The following THRAP3 variants were observed in gnomAD, a reference collection of about 807,000 sequenced individuals.
THRAP3 encodes the protein thyroid hormone receptor associated protein 3, also known as thyroid hormone receptor-associated protein 3.
In THRAP3, 16 loss-of-function variants were observed where a neutral mutation model predicts 101.0. That is an observed-to-expected ratio of 0.16 (90% CI 0.11 to 0.24). THRAP3 has a LOEUF of 0.24. Among genes scored for constraint, THRAP3 ranks in the 10% least tolerant of loss-of-function variants. The pLI is 1.00. For synonymous variants in THRAP3, 407 were observed against 422.6 expected, an observed-to-expected ratio of 0.96 and a Z score of 0.45; for missense variants, 989 against 1,202.7, an observed-to-expected ratio of 0.82 and a Z score of 2.63.
intron 2 of THRAP3, among the ~76,000 whole-genome samples, chr1:36,260,736 G>A (rs901898977): frequency 6.6e-6 from 1 of 151,660 alleles, no homozygotes; most frequent in Admixed American, 6.6e-5. Flanking sequence ...GCAGGAGAAT[G>A]GTGTGAACCC....
intron 2 of THRAP3, among the ~76,000 whole-genome samples, chr1:36,273,129 G>C (rs961980676): frequency 1.3e-5 from 2 of 152,186 alleles, no homozygotes; most frequent in Non-Finnish European, 2.9e-5. Context: ...TCATTTTGTA[G>C]CCTCCTGGGT....
rs539382771 is a variant in THRAP3, at chr1:36,274,723, C to T, written c.-31-7810C>T. On this transcript the variant is annotated intron_variant, in intron 2 of 11. Transcript: ENST00000354618. ...TCTTGTCTCACTGCAACCTCTACCT[C>T]CCGGGTTCAAGTGGTTCTCCTACTT... 3.7e-4 allele frequency among the ~76,000 whole-genome samples: 55 copies of T among 150,048 alleles called. No homozygotes were observed. The South Asian group carries it at 0.011, about 31-fold the overall frequency.
chr1:36,241,068 G>A (rs987952930), intron 1 of THRAP3, among the ~76,000 whole-genome samples: 4 of 151,752 alleles, frequency 2.6e-5, no homozygotes, highest in Non-Finnish European at 5.9e-5. Context: ...TTATCCGGGC[G>A]TGGTGGCAGG....
At chr1:36,297,188 A>T (rs1174196458) in intron 9 of THRAP3, among the ~76,000 whole-genome samples, 1 of 152,206 alleles carries the variant, frequency 6.6e-6, no homozygotes, top group Non-Finnish European at 1.5e-5. Flanking sequence ...ATAGTACATG[A>T]TTGTTGATCT....
chr1:36,243,174 G>C (rs1027153152), intron 1 of THRAP3, among the ~76,000 whole-genome samples: 1 of 28,052 alleles, frequency 3.6e-5, no homozygotes, highest in African/African-American at 1.2e-4. Context: ...TTTTTTTTTT[G>C]CTCTGAGCCC....
chr1:36,220,989 A>T (rs1644900736), upstream of THRAP3, among the ~76,000 whole-genome samples: 1 of 139,210 alleles, frequency 7.2e-6, no homozygotes, highest in Admixed American at 7.3e-5. Context: ...ATATATATAT[A>T]TATATATATA....
chr1:36,291,230 T>C (rs1645864281), intron 5 of THRAP3, 144 bp from the exon 6 acceptor site: 3 of 742,806 alleles, frequency 4.0e-6, no homozygotes, highest in African/African-American at 1.8e-5. Flanking sequence ...ATAGTTACAG[T>C]GCACTGAGGG....
chr1:36,229,080 T>TTA (rs1033618052), intron 1 of THRAP3, among the ~76,000 whole-genome samples: 4 of 152,156 alleles, frequency 2.6e-5, no homozygotes, highest in Admixed American at 2.6e-4. Context: ...TTGACTTTAT[T>TTA]AATTTTTCAA....
At chr1:36,217,900 A>C in the THRAP3 span, among the ~76,000 whole-genome samples, 2 of 152,152 alleles carry the variant, frequency 1.3e-5, no homozygotes, top group East Asian at 1.9e-4. Flanking sequence ...TAGGCCAATT[A>C]ATAACCCTAC....
chr1:36,207,952 C>T, the THRAP3 span, among the ~76,000 whole-genome samples: 1 of 152,168 alleles, frequency 6.6e-6, no homozygotes, highest in African/African-American at 2.4e-5. Flanking sequence ...ACTACTATGC[C>T]CGGCTAATTT....
At chr1:36,278,455 A>T (rs2124567834) in intron 2 of THRAP3, among the ~76,000 whole-genome samples, 1 of 152,290 alleles carries the variant, frequency 6.6e-6, no homozygotes, top group East Asian at 1.9e-4. Flanking sequence ...AAGATCAAGG[A>T]CCATTGATCT....
In THRAP3 at chr1:36,291,591, A is replaced by T. The variant is rs1380418425; in HGVS notation, c.1918+45A>T. ...TGCTTCAGGCTCGTGTTCCACACTT[A>T]GAAGAAGGATGAATGATGGGTGGAT... On this transcript the variant is annotated intron_variant, in intron 6 of 11. Transcript: ENST00000354618. 2.5e-6 allele frequency: 4 copies of T among 1,593,588 alleles called. No homozygotes were observed. In the African/African-American group the frequency reaches 5.4e-5, roughly 21 times the overall value.
intron 1 of THRAP3, chr1:36,224,944 T>C (rs1374429046): frequency 6.6e-6 from 1 of 152,306 alleles, no homozygotes; most frequent in African/African-American, 2.4e-5. Flanking sequence ...ACTCAGTAAA[T>C]GTTAGTACCG....
At chr1:36,274,541 G>A (rs1645630965) in intron 2 of THRAP3, among the ~76,000 whole-genome samples, 1 of 151,586 alleles carries the variant, frequency 6.6e-6, no homozygotes, top group African/African-American at 2.4e-5. Context: ...TAAGACTGTG[G>A]TGTTGACATA....
the THRAP3 span, among the ~76,000 whole-genome samples, chr1:36,217,666 T>A: frequency 6.6e-6 from 1 of 152,146 alleles, no homozygotes; most frequent in South Asian, 2.1e-4. Flanking sequence ...TTTCAAACTT[T>A]TTCATTATTA....
chr1:36,258,064 C>G (rs1459275406), intron 1 of THRAP3, among the ~76,000 whole-genome samples: 1 of 152,216 alleles, frequency 6.6e-6, no homozygotes, highest in Non-Finnish European at 1.5e-5. Flanking sequence ...TGGTCTTGAA[C>G]TCTGGACCTC....
chr1:36,226,891 G>A (rs558585296), intron 1 of THRAP3, among the ~76,000 whole-genome samples: 1 of 152,082 alleles, frequency 6.6e-6, no homozygotes, highest in Non-Finnish European at 1.5e-5. Context: ...TGTTGGGGGC[G>A]GGGAACACAA....
chr1:36,304,244 C>A lies in THRAP3; in HGVS notation c.*227C>A. On this transcript the variant is annotated 3_prime_UTR_variant, in exon 12 of 12. Coordinates refer to ENST00000354618, the MANE Select transcript of THRAP3 (RefSeq NM_005119.4). ...TCAGGCCCAGCTTTTGAGCAGAATA[C>A]AACGCATTGGGCTTTAGCTGTTTTT... 1 of 478,386 alleles carries A rather than the reference C, an allele frequency of 2.1e-6. No individual in the cohort carries two copies. Among genetic ancestry groups the A allele is most frequent in the Non-Finnish European group, 3.5e-6 (1 of 285,130 alleles). 29.6% of individuals were successfully genotyped at this position (478,386 alleles called of 1,614,324 possible). A position where few individuals can be genotyped will look rare whatever the true frequency, so the allele number is the denominator to read the frequency against.
At chr1:36,267,382 A>G (rs1015035012) in intron 2 of THRAP3, among the ~76,000 whole-genome samples, 2 of 152,178 alleles carry the variant, frequency 1.3e-5, no homozygotes, top group Non-Finnish European at 2.9e-5. Flanking sequence ...TTTGTCAGCA[A>G]TACAGCTGTT....
Sources: gnomAD v4.1 joint callset for allele counts (sites outside exome capture counted in the v4.1 genomes callset) on GRCh38, gnomAD v4.1.1 for gene constraint, MANE v1.5 for transcripts, NCBI Gene and HGNC (gene_info 2026-07-23, HGNC 2026-07-21) for gene names.